Variants in KCNIP4 observed in about 807,000 individuals in gnomAD.
KCNIP4 encodes the protein potassium voltage-gated channel interacting protein 4.
KCNIP4 carries 12 observed loss-of-function variants against 34.0 expected under a neutral mutation model. That is an observed-to-expected ratio of 0.35 (90% CI 0.23 to 0.57). The LOEUF is 0.57. KCNIP4 is among the 20% of genes least tolerant of loss of function. The probability of loss-of-function intolerance (pLI) is 0.83; values close to 1 mark genes in which losing one functional copy is unlikely to be tolerated. For missense variants in KCNIP4, 238 were observed against 311.7 expected (o/e 0.76, Z 1.78); for synonymous variants, 124 against 102.2 (o/e 1.21, Z -1.29).
intron 1 of KCNIP4, among the ~76,000 whole-genome samples, chr4:21,320,086 A>T (rs1287831439): frequency 1.3e-5 from 2 of 152,230 alleles, no homozygotes; most frequent in Non-Finnish European, 2.9e-5. Context: ...AGAGAAAAGC[A>T]TCATTTCTAC....
chr4:20,954,819 T>C (rs1399651312), intron 1 of KCNIP4, among the ~76,000 whole-genome samples: 1 of 152,218 alleles, frequency 6.6e-6, no homozygotes, highest in Non-Finnish European at 1.5e-5. Flanking sequence ...CCCTGCCTTA[T>C]GCTATTCCTC....
chr4:21,320,972 A>C lies in KCNIP4; in HGVS notation c.62-438263T>G, dbSNP rs1349836804. Among the ~76,000 whole-genome samples, 4 of 151,404 alleles carry C rather than the reference A, an allele frequency of 2.6e-5. 1 individual carries two copies. Among genetic ancestry groups the C allele is most frequent in the African/African-American group, 9.7e-5 (4 of 41,060 alleles). On this transcript the variant is annotated intron_variant, in intron 1 of 8. Transcript: ENST00000382152. Reference sequence around the variant, plus strand: ...AGAGCAAGAATCTGTCTTAAAAAAAAAAAAAAAAAAGAGGAAAGTTAGTCC... The same window carrying C: ...AGAGCAAGAATCTGTCTTAAAAAAACAAAAAAAAAAGAGGAAAGTTAGTCC...
At chr4:21,287,441 T>A (rs977124991) in intron 1 of KCNIP4, among the ~76,000 whole-genome samples, 1 of 152,200 alleles carries the variant, frequency 6.6e-6, no homozygotes, top group African/African-American at 2.4e-5. Context: ...ATTATAATGA[T>A]ACAGCAATGA....
intron 1 of KCNIP4, among the ~76,000 whole-genome samples, chr4:21,186,911 A>G (rs1161862363): frequency 6.6e-6 from 1 of 152,158 alleles, no homozygotes. Context: ...AAGTGCTGGG[A>G]TCACAGGTGT....
intron 1 of KCNIP4, among the ~76,000 whole-genome samples, chr4:21,914,104 C>T (rs1728494795): frequency 6.6e-6 from 1 of 152,046 alleles, no homozygotes; most frequent in Non-Finnish European, 1.5e-5. Flanking sequence ...CATCCAAGAG[C>T]TATGGAAAGG....
intron 1 of KCNIP4, among the ~76,000 whole-genome samples, chr4:21,247,759 T>TATATATATATATATACAC (rs1366204923): frequency 1.3e-4 from 15 of 119,992 alleles, no homozygotes; most frequent in South Asian, 1.0e-3. Context: ...TATATATATA[T>TATATATATATATATACAC]ACACCCCACA....
intron 3 of KCNIP4, chr4:20,767,230 G>A (rs937411060): frequency 2.0e-5 from 3 of 152,018 alleles, no homozygotes; most frequent in Non-Finnish European, 2.9e-5. Context: ...TATGAATTAC[G>A]CTTTCTATTC....
chr4:21,291,251 A>G (rs754111410), intron 1 of KCNIP4, among the ~76,000 whole-genome samples: 8 of 152,184 alleles, frequency 5.3e-5, no homozygotes, highest in Admixed American at 1.3e-4. Flanking sequence ...AATGAGCTCA[A>G]TGCATGTTAA....
chr4:20,888,827 T>C (rs1376239103), intron 1 of KCNIP4, among the ~76,000 whole-genome samples: 1 of 152,116 alleles, frequency 6.6e-6, no homozygotes, highest in Non-Finnish European at 1.5e-5. Context: ...CATATTCCTT[T>C]TGGTTTTTTT....
chr4:21,867,997 C>CA (rs557114117), intron 1 of KCNIP4, among the ~76,000 whole-genome samples: 37 of 151,804 alleles, frequency 2.4e-4, no homozygotes, highest in African/African-American at 5.8e-4. Flanking sequence ...ACTGTAATAA[C>CA]AAAAAAAAGA....
At chr4:20,807,228 C>T (rs1289597099) in intron 3 of KCNIP4, among the ~76,000 whole-genome samples, 2 of 152,046 alleles carry the variant, frequency 1.3e-5, no homozygotes, top group African/African-American at 4.8e-5. Flanking sequence ...TCATTTAGAC[C>T]AAATATGTCA....
intron 1 of KCNIP4, among the ~76,000 whole-genome samples, chr4:21,666,532 T>G (rs895978895): frequency 1.3e-5 from 2 of 152,204 alleles, no homozygotes; most frequent in Non-Finnish European, 2.9e-5. Flanking sequence ...TTCTATTTGC[T>G]TAATATATGA....
intron 1 of KCNIP4, among the ~76,000 whole-genome samples, chr4:21,672,996 C>A (rs902875546): frequency 6.6e-6 from 1 of 152,046 alleles, no homozygotes; most frequent in African/African-American, 2.4e-5. Context: ...AGTTAATGAT[C>A]CAATAGAAAA....
At chr4:21,467,504 A>G (rs1382549549) in intron 1 of KCNIP4, among the ~76,000 whole-genome samples, 1 of 152,150 alleles carries the variant, frequency 6.6e-6, no homozygotes, top group Non-Finnish European at 1.5e-5. Context: ...GGTTAGGCAG[A>G]GTAAATGAAC....
chr4:21,428,044 TA>T (rs1726088515), intron 1 of KCNIP4, among the ~76,000 whole-genome samples: 2 of 152,196 alleles, frequency 1.3e-5, no homozygotes, highest in African/African-American at 4.8e-5. Flanking sequence ...GTATTTTTTT[TA>T]TTAATTAAAG....
At chr4:21,526,505 TG>T (rs1735986248) in intron 1 of KCNIP4, among the ~76,000 whole-genome samples, 2 of 152,150 alleles carry the variant, frequency 1.3e-5, no homozygotes, top group Admixed American at 1.3e-4. Context: ...CTCATCTGTA[TG>T]TAACAAAATT....
intron 1 of KCNIP4, among the ~76,000 whole-genome samples, chr4:21,909,797 T>G (rs1728199685): frequency 1.3e-5 from 2 of 152,072 alleles, no homozygotes; most frequent in Non-Finnish European, 2.9e-5. Context: ...ACATCTTACA[T>G]GGCGACAGGC....
chr4:21,054,112 A>G (rs2108954938), intron 1 of KCNIP4, among the ~76,000 whole-genome samples: 1 of 152,340 alleles, frequency 6.6e-6, no homozygotes, highest in East Asian at 1.9e-4. Context: ...AGATATTGAC[A>G]AAAGTTTATA....
chr4:21,432,091 CATATATATATATATATATATATATAT>C (rs71655634), intron 1 of KCNIP4, among the ~76,000 whole-genome samples: 569 of 36,422 alleles, frequency 0.016, 72 homozygotes, highest in African/African-American at 0.021. Flanking sequence ...AAAATGGAAG[CATATATATATATATATATATATATAT>C]ATATATATAT....
Sources: gnomAD v4.1 joint callset for allele counts (sites outside exome capture counted in the v4.1 genomes callset) on GRCh38, gnomAD v4.1.1 for gene constraint, MANE v1.5 for transcripts, NCBI Gene and HGNC (gene_info 2026-07-23, HGNC 2026-07-21) for gene names.